ZFP82: variants seen among roughly 807,000 people sequenced by gnomAD.
The protein encoded by ZFP82 is zinc finger protein 82 homolog.
Under a neutral mutation model 54.0 loss-of-function variants are expected in ZFP82, and 30 were observed. The observed-to-expected ratio is 0.56, with a 90% CI of 0.42 to 0.75. The LOEUF (loss-of-function observed/expected upper bound fraction) is 0.75, where lower values mean the gene tolerates loss of function less well. Among genes scored for constraint, ZFP82 ranks in the 30% least tolerant of loss-of-function variants. The pLI is 0.00. For synonymous variants in ZFP82, 194 were observed against 209.5 expected, an observed-to-expected ratio of 0.93 and a Z score of 0.64; for missense variants, 500 against 636.8, an observed-to-expected ratio of 0.79 and a Z score of 2.31.
downstream of ZFP82, among the ~76,000 whole-genome samples, chr19:36,388,089 A>G (rs1187784569): frequency 6.6e-6 from 1 of 152,156 alleles, no homozygotes; most frequent in African/African-American, 2.4e-5. Flanking sequence ...TTTTTGTAAC[A>G]TTGTTGCATT....
At chr19:36,403,394 G>A (rs1410820278) in intron 4 of ZFP82, among the ~76,000 whole-genome samples, 1 of 119,534 alleles carries the variant, frequency 8.4e-6, no homozygotes, top group Non-Finnish European at 1.8e-5. Flanking sequence ...GATCCAGCGG[G>A]TGGATCACAA....
intron 4 of ZFP82, among the ~76,000 whole-genome samples, chr19:36,398,321 G>A (rs184257504): frequency 8.0e-4 from 122 of 152,244 alleles, no homozygotes; most frequent in Middle Eastern, 3.4e-3. Flanking sequence ...GGTGGATCAC[G>A]AGGTCAGGAG....
At chr19:36,395,422 G>A (rs1316316845) in intron 4 of ZFP82, 1 of 152,076 alleles carries the variant, frequency 6.6e-6, no homozygotes, top group Non-Finnish European at 1.5e-5. Flanking sequence ...AGGAAAACAC[G>A]TCTATATCTT....
At chr19:36,394,298 A>G (rs1600098777) in intron 4 of ZFP82, 188 bp from the exon 5 acceptor site, 1 of 572,688 alleles carries the variant, frequency 1.7e-6, no homozygotes, top group Non-Finnish European at 3.0e-6. Context: ...ACAAAATAGC[A>G]AGATTGGTGA....
chr19:36,416,756 CAAAAAAAAAA>C (rs1165706150), intron 1 of ZFP82, among the ~76,000 whole-genome samples: 1 of 68,876 alleles, frequency 1.5e-5, no homozygotes, highest in African/African-American at 6.3e-5. Flanking sequence ...AACTCCGTCT[CAAAAAAAAAA>C]AAAAAAAAAA....
rs2032241618 is a variant in ZFP82, at chr19:36,393,512, A to G, written c.828T>C (p.His276=). 6.2e-7 allele frequency: 1 copy of G among 1,614,076 alleles called. No individual in the cohort carries two copies. The highest frequency in any genetic ancestry group is 1.3e-5 in the African/African-American group (1 of 74,924). ...TACACACATAGGGTTTCTCACCAGT[A>G]TGAATCCTCTGATGCAGAGTAAGTT... ...RGQLTLHQRI[H]TGEKPYVCKE... is the part of the protein sequence containing the mutation. Residue 276 remains histidine (H), a synonymous_variant, in exon 5 of 5, where the codon CAT becomes CAC. Coordinates refer to ENST00000392161, the MANE Select transcript of ZFP82 (RefSeq NM_133466.4).
chr19:36,400,225 T>C (rs2032361192), intron 4 of ZFP82, among the ~76,000 whole-genome samples: 1 of 152,208 alleles, frequency 6.6e-6, no homozygotes, highest in African/African-American at 2.4e-5. Context: ...ATGTGATTCC[T>C]CTTTGCAGAG....
rs1435254124 is a variant in ZFP82 at position 36,401,195 on chromosome 19, T to C, written c.229+4385A>G. Among the ~76,000 whole-genome samples, 4 of 152,112 alleles carry C rather than the reference T, an allele frequency of 2.6e-5. No individual in the cohort carries two copies. In the East Asian group the frequency reaches 7.7e-4, roughly 29 times the overall value. ...CTCGGGCCTGCCTGCCTTCCCTAGT[T>C]GGTCACATCCAGATCCATGAATGTA... On this transcript the variant is annotated intron_variant, in intron 4 of 4. Transcript: ENST00000392161.
chr19:36,399,775 C>T (rs1437016893), intron 4 of ZFP82, among the ~76,000 whole-genome samples: 2 of 152,090 alleles, frequency 1.3e-5, no homozygotes, highest in Admixed American at 6.5e-5. Flanking sequence ...TGCTAAAAAT[C>T]TCAGCTGTCG....
intron 3 of ZFP82, among the ~76,000 whole-genome samples, chr19:36,405,969 T>C (rs1378104907): frequency 6.6e-6 from 1 of 152,190 alleles, no homozygotes; most frequent in East Asian, 1.9e-4. Context: ...CCTAGTTGTA[T>C]GACCTTGGGC....
chr19:36,403,036 G>C (rs1012521329), intron 4 of ZFP82, among the ~76,000 whole-genome samples: 1 of 151,966 alleles, frequency 6.6e-6, no homozygotes, highest in African/African-American at 2.4e-5. Context: ...CCAGCTTCTC[G>C]GGAGGCTGAG....
intron 1 of ZFP82, among the ~76,000 whole-genome samples, chr19:36,411,864 CAAAA>C (rs58166953): frequency 2.5e-5 from 3 of 119,266 alleles, no homozygotes; most frequent in Non-Finnish European, 3.4e-5. Flanking sequence ...GACCCCGTCT[CAAAA>C]AAAAAAAAAA....
At chr19:36,383,659 GA>G (rs2032084897), downstream of ZFP82, 1 of 151,924 alleles carries the variant, frequency 6.6e-6, no homozygotes, top group African/African-American at 2.4e-5. Context: ...TGATTGCCTA[GA>G]AAACCAAGAG....
At position 36,391,441 on chromosome 19, in the gene ZFP82, T is replaced by C. The variant is rs947500162; in HGVS notation, c.*1300A>G. ...CATGTTATCCTTTGTCAATTTTTAA[T>C]ATTGACTGGGGCCAGAGAATACTGA... On this transcript the variant is annotated 3_prime_UTR_variant, in exon 5 of 5. Transcript: ENST00000392161. The C allele has an allele frequency of 2.0e-5, 3 of 151,892 alleles. No individual in the cohort carries two copies. The highest frequency in any genetic ancestry group is 4.4e-5 in the Non-Finnish European group (3 of 68,004). 9.4% of individuals were successfully genotyped at this position (151,892 alleles called of 1,614,324 possible).
rs1451600024 is a variant in ZFP82 at position 36,389,703 on chromosome 19, A to C, written c.*3038T>G. Among the ~76,000 whole-genome samples the C allele has an allele frequency of 6.6e-6, 1 of 152,192 alleles. No individual in the cohort carries two copies. Among genetic ancestry groups the C allele is most frequent in the Non-Finnish European group, 1.5e-5 (1 of 68,034 alleles). ...TATGTAGAGACATTTTATTCCTTCA[A>C]ATCTTGTATTGACTATGTTTTCTTT... On this transcript the variant is annotated 3_prime_UTR_variant, in exon 5 of 5. Transcript: ENST00000392161.
intron 1 of ZFP82, among the ~76,000 whole-genome samples, chr19:36,413,950 G>A (rs970611124): frequency 7.3e-5 from 11 of 150,442 alleles, no homozygotes; most frequent in Non-Finnish European, 1.6e-4. Flanking sequence ...ACCCAGGCTG[G>A]AGTGCAGTGG....
chr19:36,391,344 T>A lies in ZFP82; in HGVS notation c.*1397A>T, dbSNP rs1380893931. 3 of 152,098 alleles carry A rather than the reference T, an allele frequency of 2.0e-5. No homozygotes were observed. The highest frequency in any genetic ancestry group is 7.2e-5 in the African/African-American group (3 of 41,438). The allele number at this position is 152,098 out of a possible 1,614,324, so 9.4% of individuals were successfully genotyped here. A position where few individuals can be genotyped will look rare whatever the true frequency, so the allele number is the denominator to read the frequency against. On this transcript the variant is annotated 3_prime_UTR_variant, in exon 5 of 5. Coordinates refer to ENST00000392161, the MANE Select transcript of ZFP82 (RefSeq NM_133466.4). ...TGCTAAATTGACAATTTAGCATTTT[T>A]AAAAAACAATGAAGTAGTTTAAAAA...
intron 1 of ZFP82, among the ~76,000 whole-genome samples, chr19:36,415,922 T>C (rs1400920856): frequency 1.3e-5 from 2 of 152,208 alleles, no homozygotes; most frequent in Non-Finnish European, 2.9e-5. Flanking sequence ...TCAAGCGACA[T>C]TCCTAAATTC....
intron 1 of ZFP82, among the ~76,000 whole-genome samples, chr19:36,415,394 C>CTT (rs34172308): frequency 2.0e-5 from 3 of 148,908 alleles, no homozygotes; most frequent in Admixed American, 6.7e-5. Flanking sequence ...CCAGGACTTT[C>CTT]TTTTTTTTTT....
Sources: allele counts gnomAD v4.1 joint callset (sites outside exome capture counted in the v4.1 genomes callset), GRCh38; gene constraint gnomAD v4.1.1; transcripts MANE v1.5; gene names NCBI Gene and HGNC (gene_info 2026-07-23, HGNC 2026-07-21).